KLHL32: variants seen among roughly 807,000 people sequenced by gnomAD.
KLHL32 encodes kelch-like protein 32.
In KLHL32, 35 loss-of-function variants were observed where a neutral mutation model predicts 64.8. The observed-to-expected ratio is 0.54, with a 90% CI of 0.41 to 0.72. The LOEUF is 0.72. Ranked by LOEUF, KLHL32 falls within the 30% of genes least tolerant of loss-of-function variation. The pLI, the probability that KLHL32 is intolerant of heterozygous loss-of-function variation, is 0.00. For synonymous variants in KLHL32, 259 were observed against 281.0 expected (o/e 0.92, Z 0.78); for missense variants, 589 against 768.5 (o/e 0.77, Z 2.76).
intron 6 of KLHL32, among the ~76,000 whole-genome samples, chr6:97,113,091 C>G (rs1259453290): frequency 1.3e-5 from 2 of 152,070 alleles, no homozygotes; most frequent in Non-Finnish European, 2.9e-5. Flanking sequence ...GCAAACGACT[C>G]TAACAAATTT....
intron 2 of KLHL32, among the ~76,000 whole-genome samples, chr6:96,971,638 G>T (rs1448049400): frequency 1.3e-5 from 2 of 151,976 alleles, no homozygotes; most frequent in African/African-American, 4.8e-5. Context: ...TTCCATTGTT[G>T]CATGAGGGCC....
At chr6:96,974,547 C>G (rs763541520) in intron 2 of KLHL32, among the ~76,000 whole-genome samples, 2 of 152,154 alleles carry the variant, frequency 1.3e-5, no homozygotes, top group Non-Finnish European at 2.9e-5. Context: ...GAAAATAATC[C>G]TCCCACCTTC....
chr6:96,990,096 G>A (rs1259551299), intron 3 of KLHL32, among the ~76,000 whole-genome samples: 1 of 152,074 alleles, frequency 6.6e-6, no homozygotes, highest in African/African-American at 2.4e-5. Context: ...TGTCATTTCA[G>A]CCATTTCAGC....
chr6:97,072,736 G>A (rs1790947214), intron 5 of KLHL32, among the ~76,000 whole-genome samples: 1 of 151,894 alleles, frequency 6.6e-6, no homozygotes. Flanking sequence ...CAAGTACTTG[G>A]CTCACATTGT....
chr6:97,064,848 G>A, intron 5 of KLHL32, 122 bp downstream of exon 5: 2 of 739,462 alleles, frequency 2.7e-6, no homozygotes, highest in Non-Finnish European at 4.5e-6. Context: ...GGCTGTGGTA[G>A]TAGAGTTTCT....
Position 97,085,248 on chromosome 6 carries a change from C to G in KLHL32, c.534C>G (p.Arg178=). The change falls in exon 6 of 11, where the codon CGC becomes CGG. Residue 178 remains arginine, a synonymous_variant. Transcript: ENST00000369261. ...VKHLSELLKS[R]PEEVLTLPYC... ...ATCTCTCTGAACTCCTGAAGAGCCGCCCAGAAGAAGTTCTAACGCTTCCCT... is the reference window on the plus strand; with the variant it reads ...ATCTCTCTGAACTCCTGAAGAGCCGGCCAGAAGAAGTTCTAACGCTTCCCT... 6.2e-7 allele frequency: 1 copy of G among 1,613,964 alleles called. No homozygotes were observed. Among genetic ancestry groups the G allele is most frequent in the Non-Finnish European group, 8.5e-7 (1 of 1,180,038 alleles).
At chr6:96,975,848 G>A (rs1775631659) in intron 2 of KLHL32, 149 bp from the exon 3 acceptor site, 1 of 471,240 alleles carries the variant, frequency 2.1e-6, no homozygotes, top group African/African-American at 2.0e-5. Context: ...GAGAATGGTG[G>A]AGAGAAAGAA....
At chr6:96,983,400 G>A (rs1319546285) in intron 3 of KLHL32, among the ~76,000 whole-genome samples, 1 of 152,296 alleles carries the variant, frequency 6.6e-6, no homozygotes, top group South Asian at 2.1e-4. Flanking sequence ...CTCATAAAAC[G>A]AGTTAGGGAG....
At chr6:97,091,529 G>A (rs1169868503) in intron 6 of KLHL32, among the ~76,000 whole-genome samples, 1 of 152,134 alleles carries the variant, frequency 6.6e-6, no homozygotes, top group Non-Finnish European at 1.5e-5. Context: ...GTCTGATGTG[G>A]GGCTTTCCGC....
intron 1 of KLHL32, among the ~76,000 whole-genome samples, chr6:96,955,100 C>T (rs1051923448): frequency 6.6e-5 from 10 of 152,124 alleles, no homozygotes; most frequent in Non-Finnish European, 8.8e-5. Flanking sequence ...AGCATTGATC[C>T]CATCATGAGT....
chr6:96,963,388 C>T (rs1226368984), intron 1 of KLHL32, among the ~76,000 whole-genome samples: 1 of 152,208 alleles, frequency 6.6e-6, no homozygotes, highest in Non-Finnish European at 1.5e-5. Flanking sequence ...GAGTCCTCCT[C>T]TTCCTGTTCC....
At chr6:96,907,352 A>G in the KLHL32 span, among the ~76,000 whole-genome samples, 1 of 152,212 alleles carries the variant, frequency 6.6e-6, no homozygotes, top group Non-Finnish European at 1.5e-5. Flanking sequence ...TTAGTGATAC[A>G]TCTTATTATT....
Position 97,135,163 on chromosome 6 carries a change from T to C in KLHL32, c.1701+2416T>C, listed in dbSNP as rs1206225225. Among the ~76,000 whole-genome samples the C allele has an allele frequency of 2.0e-5, 3 of 152,158 alleles. No individual in the cohort carries two copies. The East Asian group carries it at 5.8e-4, about 29-fold the overall frequency. ...ATAATATATTCTAATATATTTGCTT[T>C]TAAATAAAAGTCAGCATGATGGGTA... On this transcript the variant is annotated intron_variant, in intron 10 of 10. Coordinates refer to ENST00000369261, the MANE Select transcript of KLHL32 (RefSeq NM_052904.4).
intron 1 of KLHL32, among the ~76,000 whole-genome samples, chr6:96,963,065 T>TA (rs969488798): frequency 6.6e-6 from 1 of 152,268 alleles, no homozygotes; most frequent in Non-Finnish European, 1.5e-5. Flanking sequence ...TCCTCTATCT[T>TA]AGATTTTTCA....
At chr6:96,906,404 T>G in the KLHL32 span, among the ~76,000 whole-genome samples, 1 of 152,074 alleles carries the variant, frequency 6.6e-6, no homozygotes, top group Non-Finnish European at 1.5e-5. Context: ...ATTATAGAAG[T>G]CATTGCAGGT....
chr6:97,067,997 A>G (rs9374325), intron 5 of KLHL32, among the ~76,000 whole-genome samples: 16,952 of 121,936 alleles, frequency 0.14, 1,078 homozygotes, highest in African/African-American at 0.23. Flanking sequence ...GGAATGGGGA[A>G]AACTTCATAC....
At chr6:97,018,517 C>A (rs1473966797) in intron 3 of KLHL32, among the ~76,000 whole-genome samples, 1 of 151,304 alleles carries the variant, frequency 6.6e-6, no homozygotes, top group Non-Finnish European at 1.5e-5. Flanking sequence ...AGGAGAATCG[C>A]CTGAACCAGG....
chr6:97,095,517 C>T (rs1004085367), intron 6 of KLHL32, among the ~76,000 whole-genome samples: 8 of 152,208 alleles, frequency 5.3e-5, no homozygotes, highest in African/African-American at 1.7e-4. Flanking sequence ...GCCTGCTTCT[C>T]GTCTTCATGC....
intron 5 of KLHL32, among the ~76,000 whole-genome samples, chr6:97,082,166 A>G (rs1194849040): frequency 6.6e-6 from 1 of 152,208 alleles, no homozygotes; most frequent in African/African-American, 2.4e-5. Context: ...GGAACAGAAC[A>G]AGAAATACTA....
Sources: allele counts gnomAD v4.1 joint callset (sites outside exome capture counted in the v4.1 genomes callset), GRCh38; gene constraint gnomAD v4.1.1; transcripts MANE v1.5; gene names NCBI Gene and HGNC (gene_info 2026-07-23, HGNC 2026-07-21).